The following GIGYF2 variants were observed in gnomAD, a reference collection of about 807,000 sequenced individuals.
GIGYF2 encodes the protein GRB10 interacting GYF protein 2.
Under a neutral mutation model 208.1 loss-of-function variants are expected in GIGYF2, and 25 were observed. That is an observed-to-expected ratio of 0.12 (90% CI 0.09 to 0.17). The LOEUF (loss-of-function observed/expected upper bound fraction) is 0.17. GIGYF2 is among the 10% of genes least tolerant of loss of function. The pLI, the probability that GIGYF2 is intolerant of heterozygous loss-of-function variation, is 1.00. For missense variants in GIGYF2, 1,302 were observed against 1,579.4 expected (o/e 0.82, Z 2.98); for synonymous variants, 534 against 543.8 (o/e 0.98, Z 0.25).
chr2:232,718,678 G>C (rs571946893), intron 2 of GIGYF2, among the ~76,000 whole-genome samples: 6 of 152,274 alleles, frequency 3.9e-5, no homozygotes, highest in Non-Finnish European at 8.8e-5. Flanking sequence ...GAACTAATTT[G>C]CACTAATAAA....
intron 3 of GIGYF2, among the ~76,000 whole-genome samples, chr2:232,742,339 A>G (rs538179774): frequency 6.6e-6 from 1 of 152,286 alleles, no homozygotes; most frequent in African/African-American, 2.4e-5. Flanking sequence ...TCAGGAGTTC[A>G]AGACCAGCCT....
At chr2:232,783,051 C>T (rs1282609933) in intron 8 of GIGYF2, among the ~76,000 whole-genome samples, 1 of 152,106 alleles carries the variant, frequency 6.6e-6, no homozygotes. Context: ...TTTAAAAGTT[C>T]TTGAGGTCTT....
At chr2:232,737,972 A>G (rs1330521472) in intron 3 of GIGYF2, among the ~76,000 whole-genome samples, 3 of 138,070 alleles carry the variant, frequency 2.2e-5, no homozygotes, top group African/African-American at 8.3e-5. Flanking sequence ...GCTGGAGTGC[A>G]GTGGCATGAT....
chr2:232,781,669 G>A (rs945440218), intron 8 of GIGYF2, among the ~76,000 whole-genome samples: 2 of 152,004 alleles, frequency 1.3e-5, no homozygotes, highest in African/African-American at 4.8e-5. Flanking sequence ...TTCCTTAAAT[G>A]TACCATGCAT....
chr2:232,755,424 TC>T (rs1007736453), intron 5 of GIGYF2, among the ~76,000 whole-genome samples: 1 of 152,160 alleles, frequency 6.6e-6, no homozygotes, highest in African/African-American at 2.4e-5. Flanking sequence ...TGCCTCGGCC[TC>T]CCAAAGTGCT....
intron 8 of GIGYF2, chr2:232,776,537 G>A (rs1018483348): frequency 7.6e-5 from 71 of 940,238 alleles, no homozygotes; most frequent in Admixed American, 2.2e-4. Flanking sequence ...TAATCTACAA[G>A]TCTAGTTTGT....
intron 3 of GIGYF2, among the ~76,000 whole-genome samples, chr2:232,745,573 A>G (rs1419065645): frequency 6.6e-6 from 1 of 152,228 alleles, no homozygotes; most frequent in Non-Finnish European, 1.5e-5. Context: ...TTTGAAAACA[A>G]ATAAGAATTA....
chr2:232,721,217 A>G (rs1325506794), intron 2 of GIGYF2, among the ~76,000 whole-genome samples: 2 of 152,170 alleles, frequency 1.3e-5, no homozygotes, highest in African/African-American at 4.8e-5. Context: ...CAATTCCACT[A>G]TGCCATGCAT....
Position 232,746,306 on chromosome 2 carries a change from T to C in GIGYF2, c.42-1309T>C, listed in dbSNP as rs113444713. 5.8e-4 allele frequency among the ~76,000 whole-genome samples: 88 copies of C among 152,326 alleles called. 1 individual carries two copies. The highest frequency in any genetic ancestry group is 1.7e-3 in the African/African-American group (71 of 41,586). On this transcript the variant is annotated intron_variant, in intron 3 of 28. Transcript: ENST00000373563. ...CGCTATTTTTAATAATGTGCACATA[T>C]TTACTGTGTTTTACTTGGCCTTCAT...
chr2:232,805,897 A>G (rs182005445), intron 14 of GIGYF2, among the ~76,000 whole-genome samples: 23 of 152,340 alleles, frequency 1.5e-4, no homozygotes, highest in African/African-American at 5.5e-4. Context: ...TATATCATCA[A>G]TGTTCAGTAA....
At position 232,760,417 on chromosome 2, in the gene GIGYF2, G is replaced by A. The variant is rs150955809; in HGVS notation, c.380-63G>A. On this transcript the variant is annotated intron_variant, in intron 6 of 28. Transcript: ENST00000373563. ...ATAGAACTTTAGATATTAATTTATG[G>A]TGGTGAATGTGTGCCACATGTTGAC... 43 of 997,460 alleles carry A rather than the reference G, an allele frequency of 4.3e-5. No homozygotes were observed. The East Asian group carries it at 5.3e-4, about 12-fold the overall frequency. The allele number at this position is 997,460 out of a possible 1,614,324, so 61.8% of individuals were successfully genotyped here. A position where few individuals can be genotyped will look rare whatever the true frequency, so the allele number is the denominator to read the frequency against.
intron 2 of GIGYF2, among the ~76,000 whole-genome samples, chr2:232,713,037 T>C (rs1267037063): frequency 6.6e-6 from 1 of 152,062 alleles, no homozygotes; most frequent in Admixed American, 6.6e-5. Context: ...TACTAGCTGG[T>C]GTGACTGAGG....
intron 22 of GIGYF2, among the ~76,000 whole-genome samples, chr2:232,836,331 CAT>C (rs1295122579): frequency 6.7e-5 from 1 of 14,930 alleles, no homozygotes; most frequent in Admixed American, 9.6e-4. Flanking sequence ...TATATATATA[CAT>C]ATATATACTT....
intron 21 of GIGYF2, among the ~76,000 whole-genome samples, chr2:232,820,250 TA>T (rs1447713596): frequency 6.6e-6 from 1 of 152,118 alleles, no homozygotes; most frequent in Non-Finnish European, 1.5e-5. Context: ...TGGTCTTTTT[TA>T]AAGCAAGTTT....
At chr2:232,843,828 A>G (rs538486412) in intron 23 of GIGYF2, among the ~76,000 whole-genome samples, 1 of 152,358 alleles carries the variant, frequency 6.6e-6, no homozygotes, top group East Asian at 1.9e-4. Flanking sequence ...CACAGTCTCA[A>G]CAACAATAAA....
At chr2:232,838,810 C>T (rs888009133) in intron 22 of GIGYF2, among the ~76,000 whole-genome samples, 6 of 152,066 alleles carry the variant, frequency 3.9e-5, no homozygotes, top group Admixed American at 2.0e-4. Context: ...CTTCCCTCTG[C>T]ACCCCTCCCC....
In GIGYF2 at chr2:232,748,868, TC is replaced by T. The variant is rs1295048557; in HGVS notation, c.172-118del. 11 of 717,692 alleles carry T rather than the reference TC, an allele frequency of 1.5e-5. No homozygotes were observed. The East Asian group carries it at 2.6e-4, about 17-fold the overall frequency. The allele number at this position is 717,692 out of a possible 1,614,324, so 44.5% of individuals were successfully genotyped here. A position where few individuals can be genotyped will look rare whatever the true frequency, so the allele number is the denominator to read the frequency against. ...TCAATTATGGCTGAATAAGCATTAA[TC>T]TGTATTTATAATAATCAACAATAAA... On this transcript the variant is annotated intron_variant, in intron 4 of 28. Transcript: ENST00000373563.
chr2:232,778,668 T>A (rs1208355216), intron 8 of GIGYF2, among the ~76,000 whole-genome samples: 1 of 152,128 alleles, frequency 6.6e-6, no homozygotes, highest in Non-Finnish European at 1.5e-5. Context: ...TTTACATCCT[T>A]ATGCACAAGA....
rs1441711903 is a variant in GIGYF2, at chr2:232,806,069, G to A, written c.1640-422G>A. 6.6e-6 allele frequency among the ~76,000 whole-genome samples: 1 copy of A among 152,044 alleles called. No individual in the cohort carries two copies. The highest frequency in any genetic ancestry group is 1.9e-4 in the East Asian group (1 of 5,196). On this transcript the variant is annotated intron_variant, in intron 14 of 28. Coordinates refer to ENST00000373563, the MANE Select transcript of GIGYF2 (RefSeq NM_001103146.3). The surrounding 1 kb of genome is among the most constrained non-coding windows in gnomAD (Gnocchi z 4.0). ...CGAATTATAATTTGTCTTAATTATT[G>A]TTTACATTTTGCCCCACTTTCGCTA... is the stretch of plus-strand genomic sequence containing the variant.
Sources: gnomAD v4.1 joint callset for allele counts (sites outside exome capture counted in the v4.1 genomes callset) on GRCh38, gnomAD v4.1.1 for gene constraint, Gnocchi (gnomAD v3.1) non-coding constraint, MANE v1.5 for transcripts, NCBI Gene and HGNC (gene_info 2026-07-23, HGNC 2026-07-21) for gene names.